Variants in CA10 observed in about 807,000 individuals in gnomAD.
The protein encoded by CA10 is carbonic anhydrase-related protein 10.
In CA10, 14 loss-of-function variants were observed where a neutral mutation model predicts 44.2. The ratio of observed to expected loss-of-function variants is 0.32; its 90% CI spans 0.21 to 0.50. The LOEUF (loss-of-function observed/expected upper bound fraction) is 0.50. Ranked by LOEUF, CA10 falls within the 20% of genes least tolerant of loss-of-function variation. The pLI, the probability that CA10 is intolerant of heterozygous loss-of-function variation, is 0.99. For missense variants in CA10, 350 were observed against 409.7 expected, an observed-to-expected ratio of 0.85 and a Z score of 1.26; for synonymous variants, 159 against 141.6, an observed-to-expected ratio of 1.12 and a Z score of -0.87.
chr17:51,691,809 C>T (rs1460932877), intron 4 of CA10, among the ~76,000 whole-genome samples: 1 of 152,122 alleles, frequency 6.6e-6, no homozygotes, highest in Non-Finnish European at 1.5e-5. Context: ...TTCCCAACAC[C>T]ATTTATTGAA....
At chr17:52,138,731 G>C (rs1989413107) in intron 1 of CA10, among the ~76,000 whole-genome samples, 1 of 152,214 alleles carries the variant, frequency 6.6e-6, no homozygotes, top group Non-Finnish European at 1.5e-5. Flanking sequence ...AGTGGCAGGA[G>C]TCTTTTTTTA....
At chr17:52,090,770 T>A (rs966505942) in intron 1 of CA10, among the ~76,000 whole-genome samples, 5 of 152,060 alleles carry the variant, frequency 3.3e-5, no homozygotes, top group Non-Finnish European at 5.9e-5. Flanking sequence ...TCAGAGAAAT[T>A]AAAATAAATT....
At chr17:52,123,791 A>C (rs1989062747) in intron 1 of CA10, among the ~76,000 whole-genome samples, 1 of 152,232 alleles carries the variant, frequency 6.6e-6, no homozygotes, top group Non-Finnish European at 1.5e-5. Context: ...GAATAAATAA[A>C]TGAATGAGGA....
At chr17:52,090,863 G>C (rs1051119092) in intron 1 of CA10, among the ~76,000 whole-genome samples, 2 of 152,080 alleles carry the variant, frequency 1.3e-5, no homozygotes, top group Non-Finnish European at 2.9e-5. Flanking sequence ...GATGATCTGG[G>C]CTTCTTTAAA....
At position 51,927,506 on chromosome 17, in the gene CA10, A is replaced by C. The variant is rs1181583352; in HGVS notation, c.279+3484T>G. ...CCCACCTATATCAAATCCTCAAAGCAAATATCTATATTCCAAAATAATTGA... is the reference window on the plus strand; with the variant it reads ...CCCACCTATATCAAATCCTCAAAGCCAATATCTATATTCCAAAATAATTGA... On this transcript the variant is annotated intron_variant, in intron 3 of 8. Transcript: ENST00000451037. Among the ~76,000 whole-genome samples the C allele has an allele frequency of 2.0e-5, 3 of 152,164 alleles. No homozygotes were observed. The East Asian group carries it at 5.8e-4, about 29-fold the overall frequency.
intron 2 of CA10, among the ~76,000 whole-genome samples, chr17:51,956,503 A>C (rs1479208061): frequency 6.6e-6 from 1 of 152,216 alleles, no homozygotes; most frequent in East Asian, 1.9e-4. Context: ...GTGTGGATAC[A>C]CAAAAATAAT....
chr17:52,020,458 C>G (rs1986101426), intron 2 of CA10, among the ~76,000 whole-genome samples: 1 of 151,918 alleles, frequency 6.6e-6, no homozygotes, highest in South Asian at 2.1e-4. Context: ...TTGCTTCAAT[C>G]TAGGATCATT....
chr17:51,788,548 C>T (rs1293686674), intron 3 of CA10, among the ~76,000 whole-genome samples: 2 of 152,138 alleles, frequency 1.3e-5, no homozygotes, highest in Non-Finnish European at 1.5e-5. Flanking sequence ...TACCCTGATT[C>T]GATCATTACA....
intron 3 of CA10, among the ~76,000 whole-genome samples, chr17:51,807,706 A>C (rs1381827007): frequency 6.6e-6 from 1 of 152,262 alleles, no homozygotes; most frequent in Non-Finnish European, 1.5e-5. Context: ...CTGCTTCACA[A>C]AACAAACATG....
intron 3 of CA10, among the ~76,000 whole-genome samples, chr17:51,883,903 C>T (rs764199563): frequency 1.8e-4 from 28 of 152,164 alleles, no homozygotes; most frequent in Non-Finnish European, 3.8e-4. Context: ...ACAAATATGT[C>T]AAACTTGGCA....
At chr17:51,718,589 TTC>T (rs1330872704) in intron 4 of CA10, among the ~76,000 whole-genome samples, 3 of 152,230 alleles carry the variant, frequency 2.0e-5, no homozygotes, top group African/African-American at 7.2e-5. Flanking sequence ...TGGTAAATGT[TTC>T]TCTGATTTCT....
intron 4 of CA10, among the ~76,000 whole-genome samples, chr17:51,719,739 G>C (rs140190674): frequency 2.0e-4 from 30 of 152,026 alleles, no homozygotes; most frequent in Non-Finnish European, 3.7e-4. Flanking sequence ...GTAAAAAAAA[G>C]TTAGCCAGGC....
At chr17:51,715,321 G>C (rs1302731152) in intron 4 of CA10, among the ~76,000 whole-genome samples, 7 of 151,858 alleles carry the variant, frequency 4.6e-5, no homozygotes, top group South Asian at 4.2e-4. Flanking sequence ...ACATATGTAA[G>C]AAACCTGCAC....
chr17:51,924,321 C>T (rs1436233522), intron 3 of CA10, among the ~76,000 whole-genome samples: 3 of 152,062 alleles, frequency 2.0e-5, no homozygotes, highest in Admixed American at 2.0e-4. Flanking sequence ...TCACTGGGAA[C>T]AAAAGGTATG....
At chr17:51,847,809 G>A (rs1294884091) in intron 3 of CA10, among the ~76,000 whole-genome samples, 3 of 152,108 alleles carry the variant, frequency 2.0e-5, no homozygotes, top group Non-Finnish European at 2.9e-5. Flanking sequence ...AATCTCTCAG[G>A]TGCCTCTGTG....
intron 2 of CA10, among the ~76,000 whole-genome samples, chr17:51,957,329 T>C (rs917909758): frequency 6.6e-6 from 1 of 152,198 alleles, no homozygotes; most frequent in African/African-American, 2.4e-5. Context: ...TTCTGTTTAT[T>C]ATGAGAGTAT....
chr17:51,736,633 A>C lies in CA10; in HGVS notation c.465+11000T>G, dbSNP rs139978945. Among the ~76,000 whole-genome samples, 292 of 152,354 alleles carry C rather than the reference A, an allele frequency of 1.9e-3. 1 individual carries two copies. The highest frequency in any genetic ancestry group is 6.7e-3 in the African/African-American group (279 of 41,576). The stretch of plus-strand genomic sequence containing the variant: ...ATTTCTAGCTCAGCAAATAGATCCA[A>C]AGCAAGATGACGAATTCACCCAAGC... On this transcript the variant is annotated intron_variant, in intron 4 of 8. Coordinates refer to ENST00000451037, the MANE Select transcript of CA10 (RefSeq NM_020178.5).
chr17:51,971,119 G>T (rs1290559072), intron 2 of CA10, among the ~76,000 whole-genome samples: 1 of 152,024 alleles, frequency 6.6e-6, no homozygotes, highest in Non-Finnish European at 1.5e-5. Flanking sequence ...ATAAGCTAAA[G>T]ATCTACAGCT....
Position 51,639,436 on chromosome 17 carries a change from T to C in CA10, c.635-3427A>G, listed in dbSNP as rs59363335. ...GCTGCAGCTATATTTGTGGAAAAGATTGGGGGCCGAGGTATAGTGTAGGCT... is the reference window on the plus strand; with the variant it reads ...GCTGCAGCTATATTTGTGGAAAAGACTGGGGGCCGAGGTATAGTGTAGGCT... On this transcript the variant is annotated intron_variant, in intron 6 of 8. Coordinates refer to ENST00000451037, the MANE Select transcript of CA10 (RefSeq NM_020178.5). Among the ~76,000 whole-genome samples, 1,323 of 152,154 alleles carry C rather than the reference T, an allele frequency of 8.7e-3. 16 individuals carry two copies. The highest frequency in any genetic ancestry group is 0.03 in the African/African-American group (1,256 of 41,516).
Sources: allele counts gnomAD v4.1 joint callset (sites outside exome capture counted in the v4.1 genomes callset), GRCh38; gene constraint gnomAD v4.1.1; transcripts MANE v1.5; gene names NCBI Gene and HGNC (gene_info 2026-07-23, HGNC 2026-07-21).